ANK3: variants seen among roughly 807,000 people sequenced by gnomAD.
ANK3 encodes the protein ankyrin 3, also known as ankyrin-3.
In ANK3, 57 loss-of-function variants were observed where a neutral mutation model predicts 370.9. The ratio of observed to expected loss-of-function variants is 0.15; its 90% CI spans 0.12 to 0.19. The LOEUF (loss-of-function observed/expected upper bound fraction) is 0.19. Ranked by LOEUF, ANK3 falls within the 10% of genes least tolerant of loss-of-function variation. ANK3 has a pLI of 1.00. For synonymous variants in ANK3, 1,929 were observed against 1,946.3 expected (o/e 0.99, Z 0.23); for missense variants, 4,439 against 5,302.1 (o/e 0.84, Z 5.06).
At chr10:60,351,905 C>T (rs2185502) in intron 1 of ANK3, among the ~76,000 whole-genome samples, 13 of 151,710 alleles carry the variant, frequency 8.6e-5, no homozygotes, top group South Asian at 2.1e-4. Context: ...ATTAAAAAGA[C>T]CAAGAAATGC....
Position 60,088,161 on chromosome 10 carries a change from G to T in ANK3, c.3526C>A (p.Arg1176=). ...GTGAACATTACCTGGAGGCCCACTC[G>T]AATTCTTTTAGTTAGGGCACCCTCT... ...FPEGALTKRI[R]VGLQAQPVPD... Residue 1176 remains arginine, a synonymous_variant, in exon 29 of 44, where the codon CGA becomes AGA. Coordinates refer to ENST00000280772, the MANE Select transcript of ANK3 (RefSeq NM_020987.5). 2 of 1,614,038 alleles carry T rather than the reference G, an allele frequency of 1.2e-6. No homozygotes were observed. The highest frequency in any genetic ancestry group is 1.3e-5 in the African/African-American group (1 of 75,046).
chr10:60,194,830 G>C (rs560242502), intron 16 of ANK3, among the ~76,000 whole-genome samples: 1 of 152,284 alleles, frequency 6.6e-6, no homozygotes, highest in South Asian at 2.1e-4. Flanking sequence ...TTGGGAGTTT[G>C]ATTTTGAATT....
At chr10:60,279,867 T>C (rs2098136706) in intron 1 of ANK3, among the ~76,000 whole-genome samples, 1 of 152,172 alleles carries the variant, frequency 6.6e-6, no homozygotes, top group African/African-American at 2.4e-5. Context: ...CCTTCTGAAT[T>C]GAGAGATAAA....
chr10:60,453,225 C>G (rs77978971), intron 2 of ANK3, among the ~76,000 whole-genome samples: 257 of 152,242 alleles, frequency 1.7e-3, no homozygotes, highest in African/African-American at 5.8e-3. Context: ...TAATAACATG[C>G]AATCTACAAA....
At chr10:60,579,638 T>C (rs1187988601) in intron 2 of ANK3, among the ~76,000 whole-genome samples, 1 of 152,164 alleles carries the variant, frequency 6.6e-6, no homozygotes, top group Non-Finnish European at 1.5e-5. Context: ...AAGTCATAAT[T>C]ATAAAGTTAA....
intron 7 of ANK3, among the ~76,000 whole-genome samples, chr10:60,240,179 T>C (rs540422656): frequency 7.9e-5 from 11 of 138,962 alleles, no homozygotes; most frequent in Admixed American, 2.9e-4. Context: ...TATATACATA[T>C]ATACACATAT....
intron 36 of ANK3, 89 bp downstream of exon 36, chr10:60,080,448 T>A: frequency 8.6e-7 from 1 of 1,162,802 alleles, no homozygotes; most frequent in Non-Finnish European, 1.2e-6. Flanking sequence ...TGCCATTGAG[T>A]TTCCAAATGA....
chr10:60,295,151 T>C (rs944552614), intron 1 of ANK3, among the ~76,000 whole-genome samples: 4 of 152,238 alleles, frequency 2.6e-5, no homozygotes, highest in African/African-American at 9.6e-5. Flanking sequence ...TATTTGCAGA[T>C]AGATCTAGAC....
At chr10:60,537,873 T>C (rs1395879440) in intron 2 of ANK3, among the ~76,000 whole-genome samples, 1 of 151,954 alleles carries the variant, frequency 6.6e-6, no homozygotes, top group Non-Finnish European at 1.5e-5. Context: ...ACATTTCATT[T>C]TCCTTTGTCA....
At chr10:60,106,094 T>C (rs2092129928) in intron 27 of ANK3, 35 bp from the exon 28 acceptor site, 1 of 1,543,708 alleles carries the variant, frequency 6.5e-7, no homozygotes, top group Admixed American at 1.9e-5. Context: ...TGGTATCAAA[T>C]TAAATATATT....
chr10:60,224,502 A>T (rs559199111), intron 8 of ANK3, among the ~76,000 whole-genome samples: 1 of 152,308 alleles, frequency 6.6e-6, no homozygotes, highest in Admixed American at 6.5e-5. Flanking sequence ...ATGTTAAGGC[A>T]TCACACCTAG....
At chr10:60,034,563 C>T (rs1343509743) in intron 43 of ANK3, among the ~76,000 whole-genome samples, 1 of 152,212 alleles carries the variant, frequency 6.6e-6, no homozygotes, top group Non-Finnish European at 1.5e-5. Context: ...TACTTGCCTT[C>T]TCTGATTATC....
chr10:60,627,789 C>T (rs1266398675), intron 1 of ANK3, among the ~76,000 whole-genome samples: 2 of 152,086 alleles, frequency 1.3e-5, no homozygotes, highest in African/African-American at 4.8e-5. Flanking sequence ...GTATATCAGA[C>T]CCAATTCCAA....
intron 2 of ANK3, among the ~76,000 whole-genome samples, chr10:60,412,616 G>A (rs938354865): frequency 1.3e-5 from 2 of 152,104 alleles, no homozygotes; most frequent in African/African-American, 4.8e-5. Flanking sequence ...TAACTAATAT[G>A]CTGTGTGAGT....
intron 2 of ANK3, among the ~76,000 whole-genome samples, chr10:60,575,878 C>T (rs572180518): frequency 4.3e-4 from 66 of 152,154 alleles, no homozygotes; most frequent in Non-Finnish European, 7.6e-4. Context: ...CACCTCTACT[C>T]TAGAAATACG....
chr10:60,584,587 A>C (rs185701891), intron 2 of ANK3, among the ~76,000 whole-genome samples: 1 of 152,302 alleles, frequency 6.6e-6, no homozygotes, highest in East Asian at 1.9e-4. Context: ...ACCATACTCC[A>C]ACCTGGGCAA....
intron 23 of ANK3, among the ~76,000 whole-genome samples, chr10:60,155,370 G>T (rs1216072125): frequency 6.6e-6 from 1 of 152,162 alleles, no homozygotes; most frequent in Non-Finnish European, 1.5e-5. Flanking sequence ...CACGGAAGGA[G>T]CATTTAGGAC....
At chr10:60,579,326 T>TAA (rs763281984) in intron 2 of ANK3, among the ~76,000 whole-genome samples, 1,296 of 69,018 alleles carry the variant, frequency 0.019, 49 homozygotes, top group African/African-American at 0.045. Context: ...TCTCTCTCAA[T>TAA]AAAAAAAAAA....
chr10:60,271,170 C>T (rs184918725), intron 4 of ANK3, among the ~76,000 whole-genome samples: 7 of 152,016 alleles, frequency 4.6e-5, no homozygotes, highest in African/African-American at 1.4e-4. Context: ...AATTTTCAAA[C>T]TATAATTCTT....
Sources: gnomAD v4.1 joint callset for allele counts (sites outside exome capture counted in the v4.1 genomes callset) on GRCh38, gnomAD v4.1.1 for gene constraint, MANE v1.5 for transcripts, NCBI Gene and HGNC (gene_info 2026-07-23, HGNC 2026-07-21) for gene names.